Variants in NOX4 observed in about 807,000 individuals in gnomAD.
NOX4 encodes kidney oxidase-1.
NOX4 carries 69 observed loss-of-function variants against 87.6 expected under a neutral mutation model. That is an observed-to-expected ratio of 0.79 (90% CI 0.65 to 0.96). NOX4 has a LOEUF of 0.96. Among genes scored for constraint, NOX4 ranks in the 40% least tolerant of loss-of-function variants. The pLI, the probability that NOX4 is intolerant of heterozygous loss-of-function variation, is 0.00. For synonymous variants in NOX4, 275 were observed against 238.2 expected (o/e 1.15, Z -1.42); for missense variants, 680 against 681.5 (o/e 1.00, Z 0.02).
chr11:89,423,675 G>T (rs567374596), intron 7 of NOX4, among the ~76,000 whole-genome samples: 3 of 151,860 alleles, frequency 2.0e-5, no homozygotes. Flanking sequence ...ACAAACTTTG[G>T]AATCACTTTG....
chr11:89,407,437 G>T (rs1165880255), intron 8 of NOX4, among the ~76,000 whole-genome samples: 1 of 152,032 alleles, frequency 6.6e-6, no homozygotes, highest in African/African-American at 2.4e-5. Flanking sequence ...GTTCCAAGGA[G>T]AAATTTTGAA....
At chr11:89,506,263 G>C in the NOX4 span, among the ~76,000 whole-genome samples, 1 of 112,772 alleles carries the variant, frequency 8.9e-6, no homozygotes, top group Admixed American at 9.6e-5. Flanking sequence ...AAAAAAGAAA[G>C]AGAAAGAAAG....
intron 2 of NOX4, among the ~76,000 whole-genome samples, chr11:89,455,534 C>A (rs1945154053): frequency 6.6e-6 from 1 of 152,028 alleles, no homozygotes; most frequent in Non-Finnish European, 1.5e-5. Context: ...AGGTACCATG[C>A]TCTGATAAGC....
intron 11 of NOX4, among the ~76,000 whole-genome samples, chr11:89,386,683 AG>A (rs1940727480): frequency 6.6e-6 from 1 of 152,082 alleles, no homozygotes; most frequent in African/African-American, 2.4e-5. Flanking sequence ...CTAAAAAAAG[AG>A]GACTCTATTT....
intron 17 of NOX4, among the ~76,000 whole-genome samples, chr11:89,333,417 C>T (rs1945559686): frequency 6.6e-6 from 1 of 151,624 alleles, no homozygotes; most frequent in Non-Finnish European, 1.5e-5. Context: ...CATATACTTT[C>T]ATAAGTACAC....
At chr11:89,377,735 T>C (rs1387157490) in intron 11 of NOX4, among the ~76,000 whole-genome samples, 6 of 152,130 alleles carry the variant, frequency 3.9e-5, no homozygotes, top group South Asian at 2.1e-4. Context: ...GATTCCAAAA[T>C]AGCAACTTTT....
At chr11:89,475,243 T>A (rs376248120) in intron 2 of NOX4, among the ~76,000 whole-genome samples, 1 of 151,956 alleles carries the variant, frequency 6.6e-6, no homozygotes, top group African/African-American at 2.4e-5. Flanking sequence ...GTGTGAGTGA[T>A]GATATATATA....
chr11:89,399,346 T>C (rs1377671451), intron 11 of NOX4, among the ~76,000 whole-genome samples: 1 of 147,972 alleles, frequency 6.8e-6, no homozygotes, highest in Non-Finnish European at 1.5e-5. Flanking sequence ...CTAAATTCCA[T>C]CTCCAAAGAA....
chr11:89,561,681 CCAGA>C, the NOX4 span, among the ~76,000 whole-genome samples: 1 of 152,212 alleles, frequency 6.6e-6, no homozygotes, highest in African/African-American at 2.4e-5. Flanking sequence ...CTACACTGTG[CCAGA>C]CACTGTTGTT....
chr11:89,467,349 C>CAAAAAAAAAAAAAAAAA (rs71052233), intron 2 of NOX4, among the ~76,000 whole-genome samples: 6 of 61,460 alleles, frequency 9.8e-5, no homozygotes, highest in African/African-American at 3.4e-4. Context: ...AAACTCGTCA[C>CAAAAAAAAAAAAAAAAA]AAAAAAAAAA....
At chr11:89,395,802 T>C (rs552885313) in intron 11 of NOX4, among the ~76,000 whole-genome samples, 1 of 152,286 alleles carries the variant, frequency 6.6e-6, no homozygotes, top group African/African-American at 2.4e-5. Context: ...TTGCCAAAGA[T>C]CACATGGTTG....
chr11:89,392,981 C>T (rs1376663403), intron 11 of NOX4, among the ~76,000 whole-genome samples: 1 of 152,148 alleles, frequency 6.6e-6, no homozygotes, highest in Admixed American at 6.6e-5. Flanking sequence ...ACTCCCATCC[C>T]TCAAATTCTC....
intron 8 of NOX4, among the ~76,000 whole-genome samples, chr11:89,419,368 C>A (rs532142268): frequency 6.6e-6 from 1 of 151,882 alleles, no homozygotes; most frequent in East Asian, 1.9e-4. Flanking sequence ...TGTCTGTTTC[C>A]AACATTTGCA....
At chr11:89,438,928 A>G (rs1234135369) in intron 6 of NOX4, among the ~76,000 whole-genome samples, 3 of 36,672 alleles carry the variant, frequency 8.2e-5, no homozygotes, top group Non-Finnish European at 5.3e-5. Flanking sequence ...AAATATATAT[A>G]ATAATATAAT....
Position 89,325,257 on chromosome 11 carries a change from G to C in NOX4, c.*1499C>G, listed in dbSNP as rs1230309987. Reference sequence around the variant, plus strand: ...CTTTGCCTCAGTCTCCCGAGTAGTTGGGATTATAGGCACCCGCCACCACAC... The same window carrying C: ...CTTTGCCTCAGTCTCCCGAGTAGTTCGGATTATAGGCACCCGCCACCACAC... On this transcript the variant is annotated 3_prime_UTR_variant, in exon 18 of 18. Transcript: ENST00000263317. 2 of 150,626 alleles carry C rather than the reference G, an allele frequency of 1.3e-5. No individual in the cohort carries two copies. The highest frequency in any genetic ancestry group is 2.9e-5 in the Non-Finnish European group (2 of 67,862). 9.3% of individuals were successfully genotyped at this position (150,626 alleles called of 1,614,324 possible).
upstream of NOX4, among the ~76,000 whole-genome samples, chr11:89,501,434 G>A (rs1465541927): frequency 6.6e-6 from 1 of 151,948 alleles, no homozygotes; most frequent in Non-Finnish European, 1.5e-5. Flanking sequence ...GGAAAGATGA[G>A]CAGAGAAGAG....
At chr11:89,416,541 C>T (rs764746739) in intron 8 of NOX4, among the ~76,000 whole-genome samples, 7 of 152,102 alleles carry the variant, frequency 4.6e-5, no homozygotes, top group African/African-American at 1.2e-4. Context: ...TCCTGAGGCC[C>T]GAGGCCATAA....
intron 10 of NOX4, 43 bp downstream of exon 10, chr11:89,400,172 T>G: frequency 6.3e-7 from 1 of 1,589,414 alleles, no homozygotes. Flanking sequence ...AAAAATTACA[T>G]AAGGATAAAG....
chr11:89,537,720 C>T, the NOX4 span, among the ~76,000 whole-genome samples: 7 of 152,052 alleles, frequency 4.6e-5, no homozygotes, highest in African/African-American at 1.7e-4. Context: ...TTAACTCTTC[C>T]ATTTGAAGGC....
Sources: gnomAD v4.1 joint callset for allele counts (sites outside exome capture counted in the v4.1 genomes callset) on GRCh38, gnomAD v4.1.1 for gene constraint, MANE v1.5 for transcripts, NCBI Gene and HGNC (gene_info 2026-07-23, HGNC 2026-07-21) for gene names.